The following SLC36A3 variants were observed in gnomAD, a reference collection of about 807,000 sequenced individuals.
The protein encoded by SLC36A3 is proton-coupled amino acid transporter 3.
SLC36A3 carries 35 observed loss-of-function variants against 44.3 expected under a neutral mutation model. The ratio of observed to expected loss-of-function variants is 0.79; its 90% CI spans 0.60 to 1.05. SLC36A3 has a LOEUF of 1.05. Ranked by LOEUF, SLC36A3 falls within the 50% of genes least tolerant of loss-of-function variation. SLC36A3 has a pLI of 0.00. For missense variants in SLC36A3, 540 were observed against 578.7 expected (o/e 0.93, Z 0.69); for synonymous variants, 211 against 227.6 (o/e 0.93, Z 0.66).
At chr5:151,297,620 T>C (rs980973850) in intron 2 of SLC36A3, 1 of 152,234 alleles carries the variant, frequency 6.6e-6, no homozygotes, top group Non-Finnish European at 1.5e-5. Flanking sequence ...ATCAGACAGT[T>C]CTTGCCCACA....
intron 7 of SLC36A3, 22 bp downstream of exon 7, chr5:151,284,591 G>A (rs748140600): frequency 1.7e-5 from 27 of 1,580,820 alleles, no homozygotes; most frequent in East Asian, 4.5e-5. Context: ...GGGACCATTC[G>A]CGTGAACCCC....
intron 8 of SLC36A3, among the ~76,000 whole-genome samples, chr5:151,282,836 C>T (rs1480937275): frequency 6.6e-6 from 1 of 151,834 alleles, no homozygotes; most frequent in African/African-American, 2.4e-5. Flanking sequence ...CATCTTTGCC[C>T]TTGTATTTAT....
At chr5:151,293,192 G>A (rs187066137) in intron 4 of SLC36A3, among the ~76,000 whole-genome samples, 172 bp downstream of exon 4, 2 of 152,304 alleles carry the variant, frequency 1.3e-5, no homozygotes, top group African/African-American at 2.4e-5. Flanking sequence ...AGGTTTCAAT[G>A]ATTACCTTAT....
rs13155282 is a variant in SLC36A3 at position 151,277,561 on chromosome 5, C to T, written c.1245G>A (p.Glu415=). Residue 415 remains glutamate, a synonymous_variant, in exon 10 of 10, where the codon GAG becomes GAA. Transcript: ENST00000335230. ...ALALIIPALL[E]IVIFYSEDMS... Reference sequence around the variant, plus strand: ...TGTCCTCAGAGTAAAAGATGACGATCTCCAGGAGGGCTGGGATGATGAGAG... The same window carrying T: ...TGTCCTCAGAGTAAAAGATGACGATTTCCAGGAGGGCTGGGATGATGAGAG... 1.9e-6 allele frequency: 3 copies of T among 1,614,082 alleles called. No homozygotes were observed. In the African/African-American group the frequency reaches 4.0e-5, roughly 22 times the overall value.
At chr5:151,302,251 C>G (rs1001274265) in intron 1 of SLC36A3, among the ~76,000 whole-genome samples, 3 of 152,156 alleles carry the variant, frequency 2.0e-5, no homozygotes, top group Non-Finnish European at 4.4e-5. Flanking sequence ...CAATTTAATT[C>G]TTCCCAAAAG....
rs1754626022 is a variant in SLC36A3 at position 151,288,371 on chromosome 5, A to AAG, written c.489+13_489+14dup. The stretch of plus-strand genomic sequence containing the variant: ...TCTGCTTTTCCCCCACTCTGCCCAG[A>AAG]AGAGGGCTCTTTACCTGTTGTAAAT... On this transcript the variant is annotated intron_variant, in intron 5 of 9. Coordinates refer to ENST00000335230, the MANE Select transcript of SLC36A3 (RefSeq NM_181774.4). The AAG allele has an allele frequency of 6.3e-7, 1 of 1,588,598 alleles. No homozygotes were observed. The highest frequency in any genetic ancestry group is 1.7e-5 in the Admixed American group (1 of 57,400).
At chr5:151,285,981 AGC>A (rs1203936807) in intron 6 of SLC36A3, among the ~76,000 whole-genome samples, 2 of 152,226 alleles carry the variant, frequency 1.3e-5, no homozygotes, top group African/African-American at 2.4e-5. Flanking sequence ...TGTTTTTTCA[AGC>A]CACTAGATTT....
intron 3 of SLC36A3, 117 bp downstream of exon 3, chr5:151,296,063 T>G (rs1201091744): frequency 2.2e-6 from 2 of 894,138 alleles, no homozygotes; most frequent in Non-Finnish European, 1.8e-6. Flanking sequence ...AGAATCCAGA[T>G]TGGTAGGAAG....
At chr5:151,278,402 G>A (rs1416802885) in intron 9 of SLC36A3, among the ~76,000 whole-genome samples, 4 of 150,454 alleles carry the variant, frequency 2.7e-5, no homozygotes, top group African/African-American at 9.7e-5. Context: ...TTTCAATAAT[G>A]TTTGAATGAG....
At chr5:151,298,788 G>T in intron 1 of SLC36A3, 105 bp from the exon 2 acceptor site, 1 of 1,091,072 alleles carries the variant, frequency 9.2e-7, no homozygotes. Flanking sequence ...GATAGGAAGA[G>T]GGGCAAAACC....
chr5:151,280,922 AGGCAAGT>A, intron 9 of SLC36A3, 85 bp downstream of exon 9: 1 of 1,505,202 alleles, frequency 6.6e-7, no homozygotes, highest in Admixed American at 1.8e-5. Flanking sequence ...GTCACAAAGA[AGGCAAGT>A]GGCAGATCCA....
chr5:151,277,325 A>G lies in SLC36A3; in HGVS notation c.*68T>C, dbSNP rs1025971113. The G allele has an allele frequency of 1.5e-5, 24 of 1,575,472 alleles. No individual in the cohort carries two copies. The African/African-American group carries it at 2.3e-4, about 15-fold the overall frequency. Reference sequence around the variant, plus strand: ...AGATGTTGGGATTTGATGAAGGTATATAACATCCACATGGAAGTCAAACTG... The same window carrying G: ...AGATGTTGGGATTTGATGAAGGTATGTAACATCCACATGGAAGTCAAACTG... On this transcript the variant is annotated 3_prime_UTR_variant, in exon 10 of 10. Coordinates refer to ENST00000335230, the MANE Select transcript of SLC36A3 (RefSeq NM_181774.4).
At chr5:151,290,645 C>T (rs893273059) in intron 4 of SLC36A3, among the ~76,000 whole-genome samples, 3 of 152,158 alleles carry the variant, frequency 2.0e-5, no homozygotes, top group African/African-American at 7.2e-5. Flanking sequence ...CCTGTAATCC[C>T]ACCACTTTGC....
chr5:151,290,371 T>G (rs1475488201), intron 4 of SLC36A3, among the ~76,000 whole-genome samples: 1 of 152,198 alleles, frequency 6.6e-6, no homozygotes. Context: ...ATAATATCTT[T>G]TTCTGTCTAT....
At chr5:151,286,640 T>C (rs1181394577) in intron 6 of SLC36A3, among the ~76,000 whole-genome samples, 2 of 152,198 alleles carry the variant, frequency 1.3e-5, no homozygotes, top group East Asian at 3.8e-4. Flanking sequence ...TTTTTTATTG[T>C]TGTATATTTT....
At chr5:151,290,752 G>A (rs982990449) in intron 4 of SLC36A3, among the ~76,000 whole-genome samples, 8 of 151,920 alleles carry the variant, frequency 5.3e-5, no homozygotes, top group Admixed American at 4.6e-4. Flanking sequence ...AAAATTAGCC[G>A]GGCATGGTGG....
rs1037053493 is a variant in SLC36A3, at chr5:151,280,862, T to A, written c.1144+152A>T. 3.7e-5 allele frequency: 29 copies of A among 773,536 alleles called. No individual in the cohort carries two copies. In the African/African-American group the frequency reaches 4.4e-4, roughly 12 times the overall value. 47.9% of individuals were successfully genotyped at this position (773,536 alleles called of 1,614,324 possible). ...TGTGGTAATTCTGTTAAGCCCTTTT[T>A]TTTCACGTGGAAAAATTGAGGTCCA... On this transcript the variant is annotated intron_variant, in intron 9 of 9. Coordinates refer to ENST00000335230, the MANE Select transcript of SLC36A3 (RefSeq NM_181774.4).
intron 2 of SLC36A3, 91 bp from the exon 3 acceptor site, chr5:151,296,359 CATAATAAAACTGT>C: frequency 9.4e-7 from 1 of 1,064,584 alleles, no homozygotes; most frequent in Non-Finnish European, 1.4e-6. Flanking sequence ...GGGCCTGTTG[CATAATAAAACTGT>C]CTTTGGGGTG....
At chr5:151,296,542 G>T (rs1754966427) in intron 2 of SLC36A3, 5 of 491,380 alleles carry the variant, frequency 1.0e-5, no homozygotes, top group Non-Finnish European at 1.8e-5. Context: ...CATTTTCCTT[G>T]AGTTCTACCA....
Sources: gnomAD v4.1 joint callset for allele counts (sites outside exome capture counted in the v4.1 genomes callset) on GRCh38, gnomAD v4.1.1 for gene constraint, MANE v1.5 for transcripts, NCBI Gene and HGNC (gene_info 2026-07-23, HGNC 2026-07-21) for gene names.